The following EBF4 variants were observed in gnomAD, a reference collection of about 807,000 sequenced individuals.
EBF4 encodes EBF transcription factor 4, also known as transcription factor COE4.
EBF4 carries 34 observed loss-of-function variants against 67.1 expected under a neutral mutation model. The ratio of observed to expected loss-of-function variants is 0.51; its 90% CI spans 0.39 to 0.67. EBF4 has a LOEUF of 0.67. Ranked by LOEUF, EBF4 falls within the 30% of genes least tolerant of loss-of-function variation. The pLI is 0.00. For missense variants in EBF4, 837 were observed against 873.3 expected, an observed-to-expected ratio of 0.96 and a Z score of 0.52; for synonymous variants, 387 against 377.7, an observed-to-expected ratio of 1.02 and a Z score of -0.29.
intron 6 of EBF4, among the ~76,000 whole-genome samples, chr20:2,719,982 TA>T (rs1325171368): frequency 6.6e-6 from 1 of 152,230 alleles, no homozygotes; most frequent in Non-Finnish European, 1.5e-5. Context: ...AGAAGGGTAT[TA>T]AAATCACTGA....
chr20:2,750,085 ACGAC>A, intron 10 of EBF4, 112 bp downstream of exon 10: 1 of 1,424,426 alleles, frequency 7.0e-7, no homozygotes, highest in Non-Finnish European at 9.2e-7. Flanking sequence ...CGCTGTGGCC[ACGAC>A]CCCTAGACGG....
intron 6 of EBF4, among the ~76,000 whole-genome samples, chr20:2,724,588 A>C (rs1318682590): frequency 6.6e-6 from 1 of 152,188 alleles, no homozygotes; most frequent in Admixed American, 6.5e-5. Flanking sequence ...AGTACTTTGA[A>C]TATATTTCCA....
exon 8 of EBF4, chr20:2,749,419 G>A: frequency 6.5e-6 from 10 of 1,544,158 alleles, no homozygotes; most frequent in Non-Finnish European, 8.7e-6. Flanking sequence ...GTCCACGACG[G>A]TGAGCGTGGA....
chr20:2,740,957 G>A (rs1422752766), intron 6 of EBF4, among the ~76,000 whole-genome samples: 1 of 152,082 alleles, frequency 6.6e-6, no homozygotes, highest in Non-Finnish European at 1.5e-5. Context: ...ACTGCAGCTG[G>A]GGCATGAGGG....
At chr20:2,717,354 A>G (rs1040698696) in intron 6 of EBF4, among the ~76,000 whole-genome samples, 6 of 152,226 alleles carry the variant, frequency 3.9e-5, no homozygotes, top group Admixed American at 1.3e-4. Flanking sequence ...ATAAATAATT[A>G]TTGTAAGTCT....
chr20:2,748,572 A>C, exon 7 of EBF4: 1 of 1,551,538 alleles, frequency 6.4e-7, no homozygotes, highest in Non-Finnish European at 8.7e-7. Flanking sequence ...TTCTTCCTCA[A>C]ATGCAACCAG....
At chr20:2,701,853 C>T (rs2146373302) in intron 1 of EBF4, among the ~76,000 whole-genome samples, 1 of 152,314 alleles carries the variant, frequency 6.6e-6, no homozygotes, top group South Asian at 2.1e-4. Flanking sequence ...GGAACCCATC[C>T]CCAGTGGAGT....
chr20:2,718,225 T>G (rs1476618602), intron 6 of EBF4, among the ~76,000 whole-genome samples: 1 of 152,254 alleles, frequency 6.6e-6, no homozygotes, highest in Non-Finnish European at 1.5e-5. Context: ...TTTTTGCATG[T>G]ATGTTCATAA....
intron 6 of EBF4, among the ~76,000 whole-genome samples, 193 bp from the exon 7 acceptor site, chr20:2,748,356 G>A (rs1475913477): frequency 1.3e-5 from 2 of 152,116 alleles, no homozygotes; most frequent in East Asian, 3.8e-4. Context: ...AGTTGTCATT[G>A]TGATGGGTCT....
At chr20:2,717,888 G>A (rs1051510121) in intron 6 of EBF4, among the ~76,000 whole-genome samples, 8 of 150,484 alleles carry the variant, frequency 5.3e-5, no homozygotes, top group Non-Finnish European at 1.2e-4. Flanking sequence ...GCAGCTTACT[G>A]CAACCTCTGC....
At chr20:2,722,575 C>G (rs2087696403) in intron 6 of EBF4, among the ~76,000 whole-genome samples, 1 of 152,188 alleles carries the variant, frequency 6.6e-6, no homozygotes, top group Non-Finnish European at 1.5e-5. Context: ...ACCCTGAGCT[C>G]TATCTCCTCA....
At chr20:2,704,590 G>A (rs920550671) in intron 1 of EBF4, among the ~76,000 whole-genome samples, 2 of 152,196 alleles carry the variant, frequency 1.3e-5, no homozygotes, top group African/African-American at 4.8e-5. Context: ...TTGAGCTCCT[G>A]TTTATTCCTC....
chr20:2,748,103 G>A (rs532736579), intron 6 of EBF4, among the ~76,000 whole-genome samples: 2 of 152,264 alleles, frequency 1.3e-5, no homozygotes, highest in Admixed American at 6.5e-5. Flanking sequence ...ATACTGTGAC[G>A]TATACACAGT....
rs1367657661 is a variant in EBF4, at chr20:2,750,072, C to G, written c.1018+99C>G. ...CTTGGTGATAGGAGTTAGCCGAGCT[C>G]TACGCTGTGGCCACGACCCCTAGAC... On this transcript the variant is annotated intron_variant, in intron 10 of 16. Coordinates refer to ENST00000609451, the Ensembl canonical transcript of EBF4. 4 of 1,447,352 alleles carry G rather than the reference C, an allele frequency of 2.8e-6. No individual in the cohort carries two copies. The East Asian group carries it at 1.0e-4, about 37-fold the overall frequency. The allele number at this position is 1,447,352 out of a possible 1,614,324, so 89.7% of individuals were successfully genotyped here.
rs1381455512 is a variant in EBF4 at position 2,747,748 on chromosome 20, A to T, written c.558-801A>T. Among the ~76,000 whole-genome samples the T allele has an allele frequency of 6.6e-6, 1 of 152,200 alleles. No individual in the cohort carries two copies. The highest frequency in any genetic ancestry group is 2.1e-4 in the South Asian group (1 of 4,830). On this transcript the variant is annotated intron_variant, in intron 6 of 16. Coordinates refer to ENST00000609451, the Ensembl canonical transcript of EBF4. This position sits in a 1 kb window ranked among gnomAD's most constrained non-coding sequence, Gnocchi z 4.6. ...TTTGGGTAATCATTTACAACATAAA[A>T]TGCGTATTAATGTATTTGTTCTGTG...
chr20:2,724,073 T>C (rs1370304289), intron 6 of EBF4, among the ~76,000 whole-genome samples: 1 of 152,262 alleles, frequency 6.6e-6, no homozygotes, highest in Middle Eastern at 3.2e-3. Flanking sequence ...TTAGCAATGA[T>C]GTGTTGGAGC....
intron 6 of EBF4, among the ~76,000 whole-genome samples, chr20:2,741,127 G>A (rs1179179220): frequency 6.6e-6 from 1 of 152,056 alleles, no homozygotes; most frequent in African/African-American, 2.4e-5. Context: ...CCTGGGCAAC[G>A]TACTGAGACC....
At chr20:2,714,578 C>A (rs543028307) in intron 6 of EBF4, among the ~76,000 whole-genome samples, 1 of 152,198 alleles carries the variant, frequency 6.6e-6, no homozygotes, top group African/African-American at 2.4e-5. Flanking sequence ...TCTCGAGCTC[C>A]TGGGCTCCAG....
rs1674525450 is a variant in EBF4 at position 2,751,652 on chromosome 20, TG to T, written c.1019-42del. 6.5e-7 allele frequency: 1 copy of T among 1,536,600 alleles called. No homozygotes were observed. Among genetic ancestry groups the T allele is most frequent in the Non-Finnish European group, 8.8e-7 (1 of 1,135,426 alleles). ...GGCGCCCTGCGTCTCACCCTGGGAG[TG>T]GGGGGCTGCGGGGGAGACGTCCTCC... On this transcript the variant is annotated intron_variant, in intron 10 of 16. Transcript: ENST00000609451. This position sits in a 1 kb window ranked among gnomAD's most constrained non-coding sequence, Gnocchi z 5.2.
Sources: allele counts gnomAD v4.1 joint callset (sites outside exome capture counted in the v4.1 genomes callset), GRCh38; gene constraint gnomAD v4.1.1; non-coding constraint Gnocchi (gnomAD v3.1); transcripts MANE v1.5; gene names NCBI Gene and HGNC (gene_info 2026-07-23, HGNC 2026-07-21).